The following PPM1H variants were observed in gnomAD, a reference collection of about 807,000 sequenced individuals.
The protein encoded by PPM1H is protein phosphatase, Mg2+/Mn2+ dependent 1H, also known as protein phosphatase 1H.
A neutral mutation model predicts 54.9 loss-of-function variants in PPM1H; 27 were observed. The ratio of observed to expected loss-of-function variants is 0.49; its 90% CI spans 0.36 to 0.68. The LOEUF (loss-of-function observed/expected upper bound fraction) is 0.68. PPM1H is among the 30% of genes least tolerant of loss of function. The pLI is 0.00. For synonymous variants in PPM1H, 305 were observed against 270.8 expected (o/e 1.13, Z -1.24); for missense variants, 596 against 667.8 (o/e 0.89, Z 1.19).
intron 8 of PPM1H, among the ~76,000 whole-genome samples, chr12:62,689,194 G>A (rs183167323): frequency 6.6e-6 from 1 of 152,352 alleles, no homozygotes; most frequent in East Asian, 1.9e-4. Context: ...TGGAGTTGGG[G>A]AGAAAGGGCA....
rs114678233 is a variant in PPM1H at position 62,703,692 on chromosome 12, C to T, written c.1074-9693G>A. Among the ~76,000 whole-genome samples, 975 of 152,252 alleles carry T rather than the reference C, an allele frequency of 6.4e-3. 14 individuals carry two copies. Among genetic ancestry groups the T allele is most frequent in the African/African-American group, 0.023 (940 of 41,546 alleles). On this transcript the variant is annotated intron_variant, in intron 6 of 9. Coordinates refer to ENST00000228705, the MANE Select transcript of PPM1H (RefSeq NM_020700.2). ...AAATGCTACTTGTGGCTTTTAAGAG[C>T]TTGGCATGACCCCAGTTAAGCAATT...
intron 4 of PPM1H, among the ~76,000 whole-genome samples, chr12:62,769,562 T>C (rs1271850877): frequency 6.6e-6 from 1 of 152,238 alleles, no homozygotes; most frequent in South Asian, 2.1e-4. Context: ...TCTTCTGACA[T>C]TCATTCAATG....
At chr12:62,804,184 G>C (rs920703655) in intron 2 of PPM1H, among the ~76,000 whole-genome samples, 15 of 152,092 alleles carry the variant, frequency 9.9e-5, no homozygotes, top group Non-Finnish European at 1.5e-4. Context: ...AAAAGAAAAG[G>C]CCTAAAGATT....
At chr12:62,733,825 A>G (rs1323116943) in intron 5 of PPM1H, among the ~76,000 whole-genome samples, 1 of 152,210 alleles carries the variant, frequency 6.6e-6, no homozygotes, top group Non-Finnish European at 1.5e-5. Flanking sequence ...CTGTGGACTA[A>G]TAGTGTCCAC....
intron 4 of PPM1H, among the ~76,000 whole-genome samples, chr12:62,740,744 C>T (rs957347407): frequency 5.9e-5 from 9 of 152,164 alleles, no homozygotes; most frequent in African/African-American, 2.2e-4. Flanking sequence ...CAGGGTCCAG[C>T]GCAAAATGAA....
chr12:62,930,592 A>G (rs1368585114), intron 1 of PPM1H, among the ~76,000 whole-genome samples: 1 of 152,164 alleles, frequency 6.6e-6, no homozygotes, highest in Non-Finnish European at 1.5e-5. Context: ...AATCGGGCAA[A>G]CAGGTAAAAA....
chr12:62,673,713 C>CTTTT (rs1192243731), intron 8 of PPM1H, among the ~76,000 whole-genome samples: 3 of 47,562 alleles, frequency 6.3e-5, no homozygotes, highest in Non-Finnish European at 8.9e-5. Context: ...AGAAGAGCCA[C>CTTTT]TCTTTTTTTT....
At chr12:62,903,421 C>T (rs912562279) in intron 1 of PPM1H, among the ~76,000 whole-genome samples, 1 of 152,092 alleles carries the variant, frequency 6.6e-6, no homozygotes, top group Non-Finnish European at 1.5e-5. Context: ...CTTCCACCCG[C>T]GATGCAATCT....
In PPM1H at chr12:62,844,304, T is replaced by C. The variant is rs1398686401; in HGVS notation, c.246-12025A>G. On this transcript the variant is annotated intron_variant, in intron 1 of 9. Transcript: ENST00000228705. The surrounding 1 kb of genome is among the most constrained non-coding windows in gnomAD (Gnocchi z 5.2). ...TGTAACATTACAGTGATTTGCTTAG[T>C]ATGGATTACTACATTCCAAGGAAGA... Among the ~76,000 whole-genome samples the C allele has an allele frequency of 6.6e-6, 1 of 152,186 alleles. No individual in the cohort carries two copies. Among genetic ancestry groups the C allele is most frequent in the Non-Finnish European group, 1.5e-5 (1 of 68,038 alleles).
At chr12:62,656,623 G>GTCTT (rs2075845479) in intron 9 of PPM1H, among the ~76,000 whole-genome samples, 2 of 152,180 alleles carry the variant, frequency 1.3e-5, no homozygotes, top group African/African-American at 4.8e-5. Context: ...TACAGACAGG[G>GTCTT]TCTTATAAGA....
chr12:62,786,944 T>C (rs921415152), intron 4 of PPM1H, among the ~76,000 whole-genome samples: 2 of 152,214 alleles, frequency 1.3e-5, no homozygotes, highest in Non-Finnish European at 2.9e-5. Flanking sequence ...TGTATATATA[T>C]ACGTTTATGT....
intron 8 of PPM1H, among the ~76,000 whole-genome samples, chr12:62,670,126 T>C (rs57394141): frequency 0.15 from 22,881 of 151,278 alleles, 2,085 homozygotes; most frequent in East Asian, 0.25. Flanking sequence ...TACAGGCATG[T>C]GCCACCACGC....
chr12:62,756,000 C>A, intron 4 of PPM1H: 2 of 1,372,104 alleles, frequency 1.5e-6, no homozygotes, highest in Admixed American at 1.8e-5. Context: ...ATGATGACAT[C>A]AAGAAGGTGG....
chr12:62,658,668 C>T (rs1157904598), intron 9 of PPM1H, among the ~76,000 whole-genome samples: 1 of 152,136 alleles, frequency 6.6e-6, no homozygotes, highest in South Asian at 2.1e-4. Flanking sequence ...CCTGCAGCAA[C>T]CCCACTCCAG....
At chr12:62,692,415 T>C (rs138178184) in intron 7 of PPM1H, among the ~76,000 whole-genome samples, 1 of 152,312 alleles carries the variant, frequency 6.6e-6, no homozygotes, top group African/African-American at 2.4e-5. Flanking sequence ...TGCTATAAAC[T>C]TCCAAGAATA....
chr12:62,770,163 A>G (rs1457445671), intron 4 of PPM1H, among the ~76,000 whole-genome samples: 1 of 151,144 alleles, frequency 6.6e-6, no homozygotes, highest in African/African-American at 2.4e-5. Context: ...ATTACTAATG[A>G]TAATTATTAT....
At chr12:62,774,462 C>A (rs1232163171) in intron 4 of PPM1H, among the ~76,000 whole-genome samples, 1 of 152,148 alleles carries the variant, frequency 6.6e-6, no homozygotes, top group African/African-American at 2.4e-5. Flanking sequence ...CCACCTCAGC[C>A]CCCTCAGTAG....
intron 8 of PPM1H, among the ~76,000 whole-genome samples, chr12:62,668,938 C>T (rs1332122279): frequency 6.6e-6 from 1 of 152,208 alleles, no homozygotes; most frequent in African/African-American, 2.4e-5. Flanking sequence ...AAAATGTTTA[C>T]CCACAGGGCC....
chr12:62,774,196 A>C (rs1442401751), intron 4 of PPM1H, among the ~76,000 whole-genome samples: 8 of 152,208 alleles, frequency 5.3e-5, no homozygotes, highest in Admixed American at 3.9e-4. Context: ...TAAAGCAGGA[A>C]ACCGGCTCAG....
Sources: allele counts gnomAD v4.1 joint callset (sites outside exome capture counted in the v4.1 genomes callset), GRCh38; gene constraint gnomAD v4.1.1; non-coding constraint Gnocchi (gnomAD v3.1); transcripts MANE v1.5; gene names NCBI Gene and HGNC (gene_info 2026-07-23, HGNC 2026-07-21).